Variants in CNBD1 observed in about 807,000 individuals in gnomAD.
The protein encoded by CNBD1 is cyclic nucleotide binding domain containing 1, also known as cyclic nucleotide-binding domain-containing protein 1.
Under a neutral mutation model 54.4 loss-of-function variants are expected in CNBD1, and 71 were observed. The observed-to-expected ratio is 1.30, with a 90% CI of 1.08 to 1.59. The LOEUF is 1.59. CNBD1 is among the 40% of genes most tolerant of loss of function. The pLI, the probability that CNBD1 is intolerant of heterozygous loss-of-function variation, is 0.00. For missense variants in CNBD1, 659 were observed against 518.0 expected (o/e 1.27, Z -2.64); for synonymous variants, 182 against 170.7 (o/e 1.07, Z -0.51).
intron 3 of CNBD1, among the ~76,000 whole-genome samples, chr8:86,918,061 T>G (rs879341052): frequency 4.6e-5 from 7 of 152,150 alleles, no homozygotes; most frequent in Non-Finnish European, 8.8e-5. Context: ...ATTTAGCTAT[T>G]AAAATACTTA....
chr8:87,058,317 G>T (rs1449512970), intron 4 of CNBD1, among the ~76,000 whole-genome samples: 3 of 152,152 alleles, frequency 2.0e-5, no homozygotes, highest in Non-Finnish European at 2.9e-5. Context: ...GCTTTTCCAG[G>T]CATGTGGTGC....
At chr8:86,948,952 C>A (rs972693614) in intron 4 of CNBD1, among the ~76,000 whole-genome samples, 3 of 152,028 alleles carry the variant, frequency 2.0e-5, no homozygotes, top group Non-Finnish European at 4.4e-5. Flanking sequence ...AAATAGGGGT[C>A]TAGTTGTTCT....
intron 8 of CNBD1, among the ~76,000 whole-genome samples, chr8:87,304,412 C>T (rs910809493): frequency 9.2e-5 from 14 of 151,930 alleles, no homozygotes; most frequent in South Asian, 4.2e-4. Context: ...TGCATGTTCT[C>T]ACTCATAGGT....
chr8:87,189,467 A>G (rs536027253), intron 4 of CNBD1, among the ~76,000 whole-genome samples: 7 of 152,294 alleles, frequency 4.6e-5, no homozygotes, highest in Non-Finnish European at 1.0e-4. Context: ...ATATGCTACT[A>G]TAGTATTCTG....
At chr8:86,961,603 C>T (rs1032547049) in intron 4 of CNBD1, among the ~76,000 whole-genome samples, 2 of 152,210 alleles carry the variant, frequency 1.3e-5, no homozygotes, top group African/African-American at 4.8e-5. Context: ...CAGAGGATCC[C>T]CTGGGATGTC....
chr8:86,956,545 A>T (rs905455348), intron 4 of CNBD1, among the ~76,000 whole-genome samples: 5 of 152,184 alleles, frequency 3.3e-5, no homozygotes, highest in African/African-American at 1.2e-4. Flanking sequence ...GATGTCCTTC[A>T]TATCCCTTGT....
intron 2 of CNBD1, among the ~76,000 whole-genome samples, chr8:87,391,306 T>A (rs952247000): frequency 2.0e-5 from 3 of 151,982 alleles, no homozygotes; most frequent in African/African-American, 7.2e-5. Flanking sequence ...GATGCACAAA[T>A]TCAATGCAGT....
intron 4 of CNBD1, among the ~76,000 whole-genome samples, chr8:86,998,384 T>C (rs1484028655): frequency 1.3e-5 from 2 of 152,152 alleles, no homozygotes; most frequent in Non-Finnish European, 2.9e-5. Context: ...GCTAGGGCCA[T>C]TTTTACACGG....
chr8:87,186,633 A>C (rs1371289998), intron 4 of CNBD1, among the ~76,000 whole-genome samples: 3 of 152,030 alleles, frequency 2.0e-5, no homozygotes, highest in South Asian at 2.1e-4. Context: ...AATGAACCAC[A>C]ATATAATGTA....
chr8:87,421,084 T>G (rs984207476), intron 2 of CNBD1, among the ~76,000 whole-genome samples: 1 of 152,060 alleles, frequency 6.6e-6, no homozygotes, highest in African/African-American at 2.4e-5. Context: ...TGGTTCTCAA[T>G]AGTAGATAGA....
intron 8 of CNBD1, among the ~76,000 whole-genome samples, chr8:87,289,057 CAGAGAATGT>C (rs1230716795): frequency 1.3e-5 from 2 of 152,010 alleles, no homozygotes; most frequent in African/African-American, 4.8e-5. Flanking sequence ...GAATTTTTAT[CAGAGAATGT>C]AGAGAATGTA....
At chr8:87,146,581 T>C (rs1812493112) in intron 4 of CNBD1, among the ~76,000 whole-genome samples, 1 of 152,174 alleles carries the variant, frequency 6.6e-6, no homozygotes, top group African/African-American at 2.4e-5. Flanking sequence ...ACCCATCCTG[T>C]AGTACTGACC....
rs142071046 is a variant in CNBD1, at chr8:87,043,993, G to A, written c.431+104239G>A. ...ATTGCTTTAATGTCTTTGGTAGAAA[G>A]AGCCACACATGGTGAAATAATCTCT... On this transcript the variant is annotated intron_variant, in intron 4 of 10. Transcript: ENST00000518476. Among the ~76,000 whole-genome samples, 1,074 of 152,286 alleles carry A rather than the reference G, an allele frequency of 7.1e-3. 13 individuals are homozygous for A. Among genetic ancestry groups the A allele is most frequent in the African/African-American group, 0.018 (753 of 41,562 alleles).
chr8:87,235,850 C>T (rs945786435), intron 5 of CNBD1, among the ~76,000 whole-genome samples: 1 of 152,032 alleles, frequency 6.6e-6, no homozygotes, highest in Non-Finnish European at 1.5e-5. Flanking sequence ...AAGCAAAGCA[C>T]AGTAAAACAA....
chr8:87,362,415 C>T (rs1028967779), intron 10 of CNBD1, among the ~76,000 whole-genome samples: 2 of 152,042 alleles, frequency 1.3e-5, no homozygotes, highest in Non-Finnish European at 2.9e-5. Flanking sequence ...CTTGTTCATC[C>T]AACAGACAGT....
At chr8:87,043,324 A>G (rs1810114102) in intron 4 of CNBD1, among the ~76,000 whole-genome samples, 1 of 152,210 alleles carries the variant, frequency 6.6e-6, no homozygotes, top group Non-Finnish European at 1.5e-5. Flanking sequence ...CCATGTGTGT[A>G]TAATACACAT....
intron 4 of CNBD1, among the ~76,000 whole-genome samples, chr8:86,952,595 A>G (rs1807653573): frequency 6.6e-6 from 1 of 151,942 alleles, no homozygotes; most frequent in African/African-American, 2.4e-5. Context: ...GTGTACCTAT[A>G]TATCATATAT....
chr8:87,106,033 T>G (rs1032738476), intron 4 of CNBD1, among the ~76,000 whole-genome samples: 1 of 152,210 alleles, frequency 6.6e-6, no homozygotes, highest in Non-Finnish European at 1.5e-5. Flanking sequence ...AAAACAGTTC[T>G]TATTCCAGTG....
chr8:87,382,747 C>T lies in CNBD1; in HGVS notation c.*120C>T, dbSNP rs1299705020. ...AATTTGGTCTATTGTGACTACATAT[C>T]CTGGATTCCCCAGGAAAGTCCCACT... is the stretch of plus-strand genomic sequence containing the variant. On this transcript the variant is annotated 3_prime_UTR_variant, in exon 11 of 11. Coordinates refer to ENST00000518476, the MANE Select transcript of CNBD1 (RefSeq NM_173538.3). 2 of 623,126 alleles carry T rather than the reference C, an allele frequency of 3.2e-6. No homozygotes were observed. The highest frequency in any genetic ancestry group is 5.3e-6 in the Non-Finnish European group (2 of 380,120). 38.6% of individuals were successfully genotyped at this position (623,126 alleles called of 1,614,324 possible). A position where few individuals can be genotyped will look rare whatever the true frequency, so the allele number is the denominator to read the frequency against.
Sources: gnomAD v4.1 joint callset for allele counts (sites outside exome capture counted in the v4.1 genomes callset) on GRCh38, gnomAD v4.1.1 for gene constraint, MANE v1.5 for transcripts, NCBI Gene and HGNC (gene_info 2026-07-23, HGNC 2026-07-21) for gene names.